The following CCDC158 variants were observed in gnomAD, a reference collection of about 807,000 sequenced individuals.
CCDC158 encodes the protein coiled-coil domain containing 158.
Under a neutral mutation model 138.6 loss-of-function variants are expected in CCDC158, and 116 were observed. The observed-to-expected ratio is 0.84, with a 90% CI of 0.72 to 0.98. CCDC158 has a LOEUF of 0.98. CCDC158 is among the 50% of genes least tolerant of loss of function. The pLI, the probability that CCDC158 is intolerant of heterozygous loss-of-function variation, is 0.00. For missense variants in CCDC158, 1,265 were observed against 1,306.1 expected, an observed-to-expected ratio of 0.97 and a Z score of 0.48; for synonymous variants, 436 against 442.4, an observed-to-expected ratio of 0.99 and a Z score of 0.18.
rs535128678 is a variant in CCDC158 at position 76,362,132 on chromosome 4, G to T, written c.2014C>A (p.Leu672Ile). 1 of 1,612,958 alleles carries T rather than the reference G, an allele frequency of 6.2e-7. No individual in the cohort carries two copies. The highest frequency in any genetic ancestry group is 1.1e-5 in the South Asian group (1 of 90,940). Residue 672 changes from leucine to isoleucine, a missense_variant, in exon 13 of 25, where the codon CTT (leucine) becomes ATT (isoleucine). Leu to Ile is a conservative substitution (Grantham distance 5, BLOSUM62 2). Coordinates refer to ENST00000682701, the MANE Select transcript of CCDC158 (RefSeq NM_001394954.1). ...TTGTGCTGAAGCAACATACCTGAAA[G>T]ATTGTTTAATTCACTCCTACTTGTT... The part of the protein sequence containing the change: ...VKTSRSELNN[L>I]SEEYEVLKRN...
At chr4:76,421,334 C>T (rs2109948459), upstream of CCDC158, among the ~76,000 whole-genome samples, 1 of 152,172 alleles carries the variant, frequency 6.6e-6, no homozygotes, top group Admixed American at 6.5e-5. Context: ...GTCGCTGGGG[C>T]ATCCGAGCGT....
At chr4:76,387,821 T>TAAAAAA (rs57778797) in intron 4 of CCDC158, among the ~76,000 whole-genome samples, 1 of 104,042 alleles carries the variant, frequency 9.6e-6, no homozygotes, top group Admixed American at 1.0e-4. Flanking sequence ...AGACTACAAC[T>TAAAAAA]AAAAAAAAAA....
intron 15 of CCDC158, among the ~76,000 whole-genome samples, chr4:76,354,350 A>G (rs575358438): frequency 3.1e-4 from 47 of 152,110 alleles, no homozygotes; most frequent in Non-Finnish European, 6.5e-4. Flanking sequence ...GGTATGCACA[A>G]ATGTAGGTTT....
intron 4 of CCDC158, among the ~76,000 whole-genome samples, chr4:76,387,462 A>G (rs909249792): frequency 2.0e-5 from 3 of 151,862 alleles, no homozygotes; most frequent in Non-Finnish European, 1.5e-5. Flanking sequence ...TGAGGTAGGC[A>G]GATCATTTGA....
chr4:76,393,734 A>G (rs1038138804), intron 4 of CCDC158, among the ~76,000 whole-genome samples: 2 of 152,154 alleles, frequency 1.3e-5, no homozygotes, highest in Admixed American at 6.5e-5. Context: ...TACTCATTTG[A>G]CAAGGGATTA....
chr4:76,413,483 A>G (rs995752913), intron 1 of CCDC158, among the ~76,000 whole-genome samples: 1 of 151,936 alleles, frequency 6.6e-6, no homozygotes, highest in Admixed American at 6.6e-5. Flanking sequence ...TCAAAAAAAA[A>G]AAAAAAAAGG....
At chr4:76,414,643 G>A (rs1043498528) in intron 1 of CCDC158, among the ~76,000 whole-genome samples, 4 of 152,234 alleles carry the variant, frequency 2.6e-5, no homozygotes, top group African/African-American at 4.8e-5. Context: ...ATTGAATCAT[G>A]GAGGCCGGTC....
At chr4:76,338,171 G>T (rs1461369544) in intron 18 of CCDC158, among the ~76,000 whole-genome samples, 1 of 152,194 alleles carries the variant, frequency 6.6e-6, no homozygotes, top group Non-Finnish European at 1.5e-5. Context: ...CTGAGGTGGA[G>T]CTAAGGCAGT....
chr4:76,392,440 CA>C (rs150476306), intron 4 of CCDC158, among the ~76,000 whole-genome samples: 3 of 150,942 alleles, frequency 2.0e-5, no homozygotes, highest in South Asian at 2.1e-4. Context: ...GGACAAAACT[CA>C]AAAAAAATGG....
At chr4:76,338,250 G>A (rs1358900141) in intron 18 of CCDC158, among the ~76,000 whole-genome samples, 1 of 152,156 alleles carries the variant, frequency 6.6e-6, no homozygotes, top group East Asian at 1.9e-4. Context: ...AGTGGCTCAC[G>A]CCTGTAATCC....
intron 9 of CCDC158, among the ~76,000 whole-genome samples, chr4:76,376,678 A>ATGG: frequency 6.6e-6 from 1 of 152,188 alleles, no homozygotes; most frequent in African/African-American, 2.4e-5. Context: ...CATGTAATTA[A>ATGG]TGTCACCTTA....
rs547283138 is a variant in CCDC158 at position 76,326,132 on chromosome 4, G to A, written c.3011-117C>T. ...GTTCCCAATGGTGGAGGGACAGGGG[G>A]ACATTCTTCTAAATACCCAAGATTT... On this transcript the variant is annotated intron_variant, in intron 22 of 24. Coordinates refer to ENST00000682701, the MANE Select transcript of CCDC158 (RefSeq NM_001394954.1). The A allele has an allele frequency of 2.6e-4, 203 of 794,500 alleles. No individual in the cohort carries two copies. The African/African-American group carries it at 3.3e-3, about 13-fold the overall frequency. The allele number at this position is 794,500 out of a possible 1,614,324, so 49.2% of individuals were successfully genotyped here. A position where few individuals can be genotyped will look rare whatever the true frequency, so the allele number is the denominator to read the frequency against.
At chr4:76,372,646 ATATATT>A (rs1725350207) in intron 9 of CCDC158, among the ~76,000 whole-genome samples, 2 of 152,230 alleles carry the variant, frequency 1.3e-5, no homozygotes, top group Admixed American at 1.3e-4. Context: ...ATGAATTTAT[ATATATT>A]TATATTTACA....
At chr4:76,316,654 G>A (rs1041776689) in intron 24 of CCDC158, among the ~76,000 whole-genome samples, 26 of 151,938 alleles carry the variant, frequency 1.7e-4, no homozygotes, top group African/African-American at 5.3e-4. Flanking sequence ...CTAGGCACAC[G>A]GTCATCAGGT....
chr4:76,333,996 G>C lies in CCDC158; in HGVS notation c.2822+14C>G. 1 of 1,565,380 alleles carries C rather than the reference G, an allele frequency of 6.4e-7. No homozygotes were observed. On this transcript the variant is annotated intron_variant, in intron 19 of 24. Transcript: ENST00000682701. ...AGAGATGAGCTTTCCCATTCTGTGT[G>C]CACACAGCCTTACACAGCCACATAC...
In CCDC158 at chr4:76,323,306, G is replaced by A. The variant is rs1278694444; in HGVS notation, c.3273C>T (p.Asn1091=). The A allele has an allele frequency of 6.2e-6, 10 of 1,608,574 alleles. No homozygotes were observed. The highest frequency in any genetic ancestry group is 2.7e-5 in the African/African-American group (2 of 74,690). Residue 1091 remains asparagine, a synonymous_variant, in exon 24 of 25, where the codon AAC becomes AAT. Coordinates refer to ENST00000682701, the MANE Select transcript of CCDC158 (RefSeq NM_001394954.1). ...CTCCAAAAACGTACACTGTACCTTG[G>A]TTCTTCAGCTGTAAATCTTCTACCA... ...QTLVEDLQLK[N]QAMSSMIRNQ... is the part of the protein sequence containing the mutation.
Position 76,356,243 on chromosome 4 carries a change from T to TA in CCDC158, c.2174-808dup, listed in dbSNP as rs767870127. On this transcript the variant is annotated intron_variant, in intron 14 of 24. Transcript: ENST00000682701. ...TCTATCTAAACTGTCAAAACAGGGT[T>TA]AAACTGACACTGTATATTGATTTAT... 5.6e-4 allele frequency among the ~76,000 whole-genome samples: 85 copies of TA among 152,304 alleles called. 2 individuals carry two copies. The highest frequency in any genetic ancestry group is 1.5e-4 in the Non-Finnish European group (10 of 68,022).
chr4:76,386,365 C>T (rs983843304), intron 4 of CCDC158, among the ~76,000 whole-genome samples: 4 of 78,602 alleles, frequency 5.1e-5, no homozygotes, highest in Non-Finnish European at 1.1e-4. Context: ...GAAATATCCT[C>T]TCCTTAGGGT....
chr4:76,331,819 G>A (rs2110102927), intron 20 of CCDC158, among the ~76,000 whole-genome samples: 1 of 152,304 alleles, frequency 6.6e-6, no homozygotes, highest in Non-Finnish European at 1.5e-5. Flanking sequence ...ACTTAATGCA[G>A]TAGGCAGTGA....
Sources: allele counts gnomAD v4.1 joint callset (sites outside exome capture counted in the v4.1 genomes callset), GRCh38; gene constraint gnomAD v4.1.1; transcripts MANE v1.5; gene names NCBI Gene and HGNC (gene_info 2026-07-23, HGNC 2026-07-21).